Variants in CSF1R observed in about 807,000 individuals in gnomAD.
CSF1R encodes the protein macrophage colony-stimulating factor 1 receptor.
In CSF1R, 40 loss-of-function variants were observed where a neutral mutation model predicts 110.0. The observed-to-expected ratio is 0.36, with a 90% CI of 0.28 to 0.47. The LOEUF is 0.47. Ranked by LOEUF, CSF1R falls within the 20% of genes least tolerant of loss-of-function variation. The pLI, the probability that CSF1R is intolerant of heterozygous loss-of-function variation, is 0.99. For missense variants in CSF1R, 1,052 were observed against 1,253.0 expected, an observed-to-expected ratio of 0.84 and a Z score of 2.42; for synonymous variants, 523 against 503.4, an observed-to-expected ratio of 1.04 and a Z score of -0.52.
chr5:150,059,218 AT>A (rs1439320627), intron 14 of CSF1R, among the ~76,000 whole-genome samples: 1 of 151,844 alleles, frequency 6.6e-6, no homozygotes, highest in Non-Finnish European at 1.5e-5. Context: ...CTAATTTTGT[AT>A]ATTTAATAGA....
At position 150,102,283 on chromosome 5, in the gene CSF1R, C is replaced by T. The variant is rs1034119643; in HGVS notation, c.-181+10978G>A. Among the ~76,000 whole-genome samples the T allele has an allele frequency of 4.6e-5, 7 of 152,212 alleles. No individual in the cohort carries two copies. In the East Asian group the frequency reaches 5.8e-4, roughly 13 times the overall value. On this transcript the variant is annotated intron_variant, in intron 1 of 21. Transcript: ENST00000286301. ...GTGAGAAATGCAGCATCACCGTACA[C>T]TTGCTGACATGGGATATCACTGATC...
At chr5:150,060,381 C>T (rs575964483) in intron 13 of CSF1R, among the ~76,000 whole-genome samples, 1 of 151,784 alleles carries the variant, frequency 6.6e-6, no homozygotes, top group African/African-American at 2.4e-5. Context: ...AAAAATGTAG[C>T]CCAAGAATTA....
chr5:150,054,581 T>C (rs1441256848), intron 19 of CSF1R, 151 bp from the exon 20 acceptor site: 3 of 618,192 alleles, frequency 4.9e-6, no homozygotes, highest in Non-Finnish European at 8.4e-6. Flanking sequence ...TTGGCATGCT[T>C]TACCATTTAA....
At chr5:150,066,041 C>T (rs1224721957) in intron 10 of CSF1R, among the ~76,000 whole-genome samples, 5 of 152,146 alleles carry the variant, frequency 3.3e-5, no homozygotes, top group African/African-American at 7.2e-5. Context: ...CAGGTGGCCC[C>T]GAGAGTGAGT....
At chr5:150,098,537 C>T (rs982089328) in intron 1 of CSF1R, 2 of 152,242 alleles carry the variant, frequency 1.3e-5, no homozygotes, top group African/African-American at 4.8e-5. Context: ...ACTTCATCAA[C>T]ATTTAAAACT....
intron 16 of CSF1R, among the ~76,000 whole-genome samples, chr5:150,056,660 C>T (rs916657837): frequency 6.6e-5 from 10 of 152,172 alleles, no homozygotes; most frequent in Middle Eastern, 6.8e-3. Context: ...TCTCCAAACC[C>T]TACCGTTACT....
chr5:150,106,479 G>A (rs1205031770), intron 1 of CSF1R, among the ~76,000 whole-genome samples: 1 of 152,128 alleles, frequency 6.6e-6, no homozygotes, highest in African/African-American at 2.4e-5. Context: ...ACCAGAGAGT[G>A]GAGTGGGCCC....
At chr5:150,105,809 GA>G (rs1474242488) in intron 1 of CSF1R, among the ~76,000 whole-genome samples, 1 of 152,192 alleles carries the variant, frequency 6.6e-6, no homozygotes, top group Non-Finnish European at 1.5e-5. Flanking sequence ...TTACATGTGT[GA>G]GCCACCACAC....
At chr5:150,084,641 A>T (rs545086165) in intron 1 of CSF1R, among the ~76,000 whole-genome samples, 35 of 151,706 alleles carry the variant, frequency 2.3e-4, no homozygotes, top group African/African-American at 8.5e-4. Context: ...TTTAGTAGAG[A>T]GGGGGCTTCA....
chr5:150,064,772 C>T (rs1488815917), intron 10 of CSF1R, among the ~76,000 whole-genome samples: 1 of 152,130 alleles, frequency 6.6e-6, no homozygotes, highest in African/African-American at 2.4e-5. Flanking sequence ...GGAGGTTTGG[C>T]TGGATTCTCA....
intron 3 of CSF1R, 50 bp downstream of exon 3, chr5:150,080,002 C>G (rs371261793): frequency 1.3e-6 from 2 of 1,583,370 alleles, no homozygotes; most frequent in African/African-American, 1.3e-5. Flanking sequence ...GCCGCCGGCT[C>G]TCTGTCCCCA....
In CSF1R at chr5:150,078,119, T is replaced by C. The variant is rs555886698; in HGVS notation, c.722A>G (p.Asn241Ser). The C allele has an allele frequency of 6.2e-7, 1 of 1,614,008 alleles. No individual in the cohort carries two copies. The highest frequency in any genetic ancestry group is 2.2e-5 in the East Asian group (1 of 44,862). ...TGATCTGCAGGGACTGACCTTGGTG[T>C]TGTTGTGTTGGAGGAAGACATCAAA... ...VNFDVFLQHN[N>S]TKLAIPQQSD... The change falls in exon 4 of 21, where the codon AAC becomes AGC. Residue 241 changes from asparagine to serine, a missense_variant. Transcript: ENST00000675795.
intron 1 of CSF1R, among the ~76,000 whole-genome samples, chr5:150,095,284 A>T (rs1759189014): frequency 6.6e-6 from 1 of 152,204 alleles, no homozygotes; most frequent in African/African-American, 2.4e-5. Flanking sequence ...ATCGTAAATG[A>T]TTGACCTAAT....
upstream of CSF1R, among the ~76,000 whole-genome samples, chr5:150,089,569 C>T (rs938578793): frequency 1.3e-5 from 2 of 152,046 alleles, no homozygotes; most frequent in Non-Finnish European, 2.9e-5. Context: ...AATGAAAAAC[C>T]ACCTTGTTTT....
chr5:150,054,281 G>C (rs376324737), intron 20 of CSF1R, 41 bp downstream of exon 20: 10 of 1,613,790 alleles, frequency 6.2e-6, no homozygotes, highest in Admixed American at 1.7e-5. Flanking sequence ...CCAGCCCAAC[G>C]TGCTTTACCG....
At chr5:150,090,723 G>A (rs1759011934), upstream of CSF1R, among the ~76,000 whole-genome samples, 2 of 152,006 alleles carry the variant, frequency 1.3e-5, no homozygotes, top group African/African-American at 2.4e-5. Flanking sequence ...TTTAAAAATA[G>A]GCAAATTCAA....
intron 1 of CSF1R, among the ~76,000 whole-genome samples, chr5:150,081,859 T>C (rs2113835208): frequency 6.6e-6 from 1 of 152,336 alleles, no homozygotes; most frequent in East Asian, 1.9e-4. Context: ...TATCAGGCTG[T>C]CCGGGAAGAA....
chr5:150,057,082 A>G (rs1311003221), intron 16 of CSF1R, among the ~76,000 whole-genome samples: 1 of 152,112 alleles, frequency 6.6e-6, no homozygotes, highest in Admixed American at 6.5e-5. Context: ...CGCTGGGGAC[A>G]CAGGTGCCCA....
rs146386843 is a variant in CSF1R at position 150,061,589 on chromosome 5, G to A, written c.1760C>T (p.Thr587Ile). 2.1e-4 allele frequency: 345 copies of A among 1,614,114 alleles called. 3 individuals are homozygous for A. In the African/African-American group the frequency reaches 4.3e-3, roughly 20 times the overall value. Residue 587 changes from threonine to isoleucine, a missense_variant, in exon 12 of 21, where the codon ACC becomes ATC. This residue lies in a region of CSF1R where 76 missense variants were observed against 133.6 expected (regional missense o/e 0.57). Transcript: ENST00000675795. Reference sequence around the variant, plus strand: ...CTTCCCAAAGGCTCCAGCTCCGAGGGTCTTACCTGCCACGCACACAGGTCC... The same window carrying A: ...CTTCCCAAAGGCTCCAGCTCCGAGGATCTTACCTGCCACGCACACAGGTCC... ...FPRNNLQFGK[T>I]LGAGAFGKVV...
Sources: allele counts gnomAD v4.1 joint callset (sites outside exome capture counted in the v4.1 genomes callset), GRCh38; gene constraint gnomAD v4.1.1; regional missense constraint gnomAD v4.1.1; transcripts MANE v1.5; gene names NCBI Gene and HGNC (gene_info 2026-07-23, HGNC 2026-07-21).